PTPRM: variants seen among roughly 807,000 people sequenced by gnomAD.
PTPRM encodes the protein protein tyrosine phosphatase receptor type M.
Under a neutral mutation model 186.7 loss-of-function variants are expected in PTPRM, and 47 were observed. The observed-to-expected ratio is 0.25, with a 90% CI of 0.20 to 0.32. The LOEUF (loss-of-function observed/expected upper bound fraction) is 0.32, where lower values mean the gene tolerates loss of function less well. Among genes scored for constraint, PTPRM ranks in the 10% least tolerant of loss-of-function variants. The pLI, the probability that PTPRM is intolerant of heterozygous loss-of-function variation, is 1.00. For synonymous variants in PTPRM, 668 were observed against 674.9 expected, an observed-to-expected ratio of 0.99 and a Z score of 0.16; for missense variants, 1,494 against 1,865.0, an observed-to-expected ratio of 0.80 and a Z score of 3.66.
intron 7 of PTPRM, among the ~76,000 whole-genome samples, chr18:8,051,544 A>G (rs1395474827): frequency 6.6e-6 from 1 of 152,144 alleles, no homozygotes; most frequent in East Asian, 1.9e-4. Flanking sequence ...TCGCATACGT[A>G]TGTATTCTTA....
chr18:8,069,877 C>A lies in PTPRM; in HGVS notation c.1324C>A (p.Pro442Thr). ...AAGCTGGGATACAGAAAACTCACAC[C>A]CTCAACACACGATCACTAACCTGTC... ...EVSWDTENSH[P>T]QHTITNLSPY... The change falls in exon 8 of 33, where the codon CCT (proline) becomes ACT (threonine). Residue 442 changes from proline to threonine, a missense_variant. Transcript: ENST00000580170. The A allele has an allele frequency of 1.2e-6, 2 of 1,613,630 alleles. No homozygotes were observed. The highest frequency in any genetic ancestry group is 1.7e-6 in the Non-Finnish European group (2 of 1,179,706).
chr18:7,826,296 A>ATC (rs2045480635), intron 2 of PTPRM, among the ~76,000 whole-genome samples: 1 of 152,256 alleles, frequency 6.6e-6, no homozygotes, highest in Non-Finnish European at 1.5e-5. Context: ...CAGAAGCTAC[A>ATC]TTCACAAAAT....
intron 1 of PTPRM, among the ~76,000 whole-genome samples, chr18:7,639,639 G>C (rs928714118): frequency 6.6e-6 from 1 of 152,012 alleles, no homozygotes; most frequent in Non-Finnish European, 1.5e-5. Context: ...TGACCCACCC[G>C]CCTTGGCCTC....
intron 1 of PTPRM, among the ~76,000 whole-genome samples, chr18:7,752,658 G>A (rs112663165): frequency 3.3e-5 from 5 of 152,012 alleles, no homozygotes; most frequent in South Asian, 2.1e-4. Context: ...GTCCAGGCTG[G>A]TCTTGAACTC....
At chr18:7,820,686 T>C (rs937644524) in intron 2 of PTPRM, among the ~76,000 whole-genome samples, 2 of 152,128 alleles carry the variant, frequency 1.3e-5, no homozygotes, top group African/African-American at 2.4e-5. Context: ...AGGCCTCTTA[T>C]GTTGCCAGGC....
intron 7 of PTPRM, among the ~76,000 whole-genome samples, chr18:8,025,782 G>A (rs372773108): frequency 1.3e-4 from 20 of 152,292 alleles, no homozygotes; most frequent in African/African-American, 4.6e-4. Flanking sequence ...GAAGATGGGA[G>A]GAGTGAGAAG....
intron 2 of PTPRM, among the ~76,000 whole-genome samples, chr18:7,809,418 C>T (rs547091453): frequency 6.6e-6 from 1 of 152,264 alleles, no homozygotes; most frequent in South Asian, 2.1e-4. Context: ...CCTTTCCTAC[C>T]CCTTCCATGG....
intron 32 of PTPRM, chr18:8,402,727 T>G (rs2095878845): frequency 6.6e-6 from 1 of 152,168 alleles, no homozygotes; most frequent in South Asian, 2.1e-4. Flanking sequence ...GAAATTCCAA[T>G]TATCTCTTTT....
chr18:8,287,113 A>G (rs1223661873), intron 19 of PTPRM, among the ~76,000 whole-genome samples: 2 of 152,170 alleles, frequency 1.3e-5, no homozygotes, highest in Admixed American at 6.5e-5. Context: ...AAAAAGAGAA[A>G]AGAGGGACAA....
At chr18:8,272,838 A>G (rs2094789227) in intron 19 of PTPRM, among the ~76,000 whole-genome samples, 1 of 152,144 alleles carries the variant, frequency 6.6e-6, no homozygotes, top group Non-Finnish European at 1.5e-5. Flanking sequence ...TTAATCTATC[A>G]GTTACTGAAA....
intron 4 of PTPRM, among the ~76,000 whole-genome samples, chr18:7,913,967 GCCT>G (rs567960718): frequency 9.9e-5 from 15 of 151,964 alleles, no homozygotes; most frequent in Non-Finnish European, 1.6e-4. Context: ...TTATAATATG[GCCT>G]CCTAAATTCA....
chr18:8,312,800 C>T (rs1429827777), intron 20 of PTPRM, among the ~76,000 whole-genome samples: 3 of 152,152 alleles, frequency 2.0e-5, no homozygotes, highest in African/African-American at 4.8e-5. Flanking sequence ...AGCTTTTCTC[C>T]TTCTCTGGCC....
intron 14 of PTPRM, among the ~76,000 whole-genome samples, chr18:8,229,864 C>T (rs13381650): frequency 0.53 from 79,878 of 150,762 alleles, 21,461 homozygotes; most frequent in Middle Eastern, 0.74. Context: ...CCAAGAGATC[C>T]TGACAGTTAC....
chr18:8,184,448 C>T (rs2093617052), intron 14 of PTPRM, among the ~76,000 whole-genome samples: 1 of 152,132 alleles, frequency 6.6e-6, no homozygotes, highest in African/African-American at 2.4e-5. Flanking sequence ...TCCTCTGTGC[C>T]TTCAGAGGAG....
intron 17 of PTPRM, among the ~76,000 whole-genome samples, chr18:8,250,414 C>T (rs1202986306): frequency 6.6e-6 from 1 of 151,886 alleles, no homozygotes; most frequent in African/African-American, 2.4e-5. Flanking sequence ...CTTAGAAAAC[C>T]ATCAAAACTA....
chr18:7,944,901 C>T (rs972549737), intron 5 of PTPRM, among the ~76,000 whole-genome samples: 2 of 152,196 alleles, frequency 1.3e-5, no homozygotes, highest in African/African-American at 4.8e-5. Flanking sequence ...TATTTGTCCC[C>T]TCCAAAACTC....
chr18:7,980,324 GCACC>G (rs1426201230), intron 7 of PTPRM, among the ~76,000 whole-genome samples: 1 of 151,844 alleles, frequency 6.6e-6, no homozygotes, highest in Non-Finnish European at 1.5e-5. Context: ...GCTCCTTATT[GCACC>G]CATGTTCACT....
intron 7 of PTPRM, among the ~76,000 whole-genome samples, chr18:7,963,951 A>G (rs531146089): frequency 2.6e-5 from 4 of 152,206 alleles, no homozygotes; most frequent in Non-Finnish European, 4.4e-5. Context: ...CTCCTAGGAA[A>G]GGAAGACATC....
At position 8,150,378 on chromosome 18, in the gene PTPRM, A is replaced by G. The variant is rs1828614504; in HGVS notation, c.2300+6599A>G. ...TTTTTTTCTCTAATCTTGTCTTCTC[A>G]CTTTATTTCATTAAGTTGATCTTCA... On this transcript the variant is annotated intron_variant, in intron 14 of 32. Transcript: ENST00000580170. Among the ~76,000 whole-genome samples, 3 of 151,734 alleles carry G rather than the reference A, an allele frequency of 2.0e-5. No individual in the cohort carries two copies. In the South Asian group the frequency reaches 6.2e-4, roughly 32 times the overall value.
Sources: gnomAD v4.1 joint callset for allele counts (sites outside exome capture counted in the v4.1 genomes callset) on GRCh38, gnomAD v4.1.1 for gene constraint, MANE v1.5 for transcripts, NCBI Gene and HGNC (gene_info 2026-07-23, HGNC 2026-07-21) for gene names.